The following BCAS3 variants were observed in gnomAD, a reference collection of about 807,000 sequenced individuals.
The protein encoded by BCAS3 is BCAS3 microtubule associated cell migration factor.
In BCAS3, 53 loss-of-function variants were observed where a neutral mutation model predicts 116.1. The ratio of observed to expected loss-of-function variants is 0.46; its 90% CI spans 0.37 to 0.57. BCAS3 has a LOEUF of 0.57. Among genes scored for constraint, BCAS3 ranks in the 20% least tolerant of loss-of-function variants. The probability of loss-of-function intolerance (pLI) is 0.00; values close to 1 mark genes in which losing one functional copy is unlikely to be tolerated. For synonymous variants in BCAS3, 391 were observed against 408.2 expected, an observed-to-expected ratio of 0.96 and a Z score of 0.51; for missense variants, 917 against 1,165.4, an observed-to-expected ratio of 0.79 and a Z score of 3.10.
rs1367196969 is a variant in BCAS3 at position 61,013,755 on chromosome 17, T to C, written c.1487-1996T>C. On this transcript the variant is annotated intron_variant, in intron 15 of 23. Transcript: ENST00000407086. The surrounding 1 kb of genome is among the most constrained non-coding windows in gnomAD (Gnocchi z 4.4). ...CCATATTTTACAAAAGAGACATTTATCAAAGGTTAACTTGATAGTTCTATA... is the reference window on the plus strand; with the variant it reads ...CCATATTTTACAAAAGAGACATTTACCAAAGGTTAACTTGATAGTTCTATA... 6.6e-6 allele frequency among the ~76,000 whole-genome samples: 1 copy of C among 152,172 alleles called. No homozygotes were observed. The highest frequency in any genetic ancestry group is 6.5e-5 in the Admixed American group (1 of 15,270).
chr17:60,970,646 T>G (rs1257770299), intron 14 of BCAS3, among the ~76,000 whole-genome samples: 1 of 152,212 alleles, frequency 6.6e-6, no homozygotes, highest in Non-Finnish European at 1.5e-5. Flanking sequence ...TGTATGCACG[T>G]AGACTCAGTT....
Position 61,363,824 on chromosome 17 carries a change from A to G in BCAS3, c.2426-4503A>G, listed in dbSNP as rs1299676394. ...GTAATGGGACTCAAAGGGCCAGCTC[A>G]TCTGATGGAGTGTCCCTGGGCTGGT... On this transcript the variant is annotated intron_variant, in intron 22 of 23. Transcript: ENST00000407086. The surrounding 1 kb of genome is among the most constrained non-coding windows in gnomAD (Gnocchi z 4.9). Among the ~76,000 whole-genome samples, 1 of 152,164 alleles carries G rather than the reference A, an allele frequency of 6.6e-6. No individual in the cohort carries two copies. Among genetic ancestry groups the G allele is most frequent in the African/African-American group, 2.4e-5 (1 of 41,452 alleles).
At position 61,256,940 on chromosome 17, in the gene BCAS3, T is replaced by C. The variant is rs1262152318; in HGVS notation, c.2426-111387T>C. ...CCTTGGAGGTGAACCTAGGTTCTCT[T>C]TGAGGTATTTTCTCTACCAAAATCA... On this transcript the variant is annotated intron_variant, in intron 22 of 23. Coordinates refer to ENST00000407086, the MANE Select transcript of BCAS3 (RefSeq NM_017679.5). The surrounding 1 kb of genome is among the most constrained non-coding windows in gnomAD (Gnocchi z 5.6). Among the ~76,000 whole-genome samples, 1 of 152,168 alleles carries C rather than the reference T, an allele frequency of 6.6e-6. No homozygotes were observed. Among genetic ancestry groups the C allele is most frequent in the Non-Finnish European group, 1.5e-5 (1 of 68,032 alleles).
At chr17:60,909,303 A>T (rs1387529247) in intron 11 of BCAS3, among the ~76,000 whole-genome samples, 2 of 152,164 alleles carry the variant, frequency 1.3e-5, no homozygotes, top group East Asian at 3.8e-4. Flanking sequence ...ACCTCTATAC[A>T]CAACTGTCTT....
intron 5 of BCAS3, among the ~76,000 whole-genome samples, chr17:60,721,552 T>C (rs984936263): frequency 6.6e-6 from 1 of 152,226 alleles, no homozygotes; most frequent in African/African-American, 2.4e-5. Flanking sequence ...ACATAGGCAG[T>C]AGACATTACT....
At position 61,339,859 on chromosome 17, in the gene BCAS3, G is replaced by A. The variant is rs1351737774; in HGVS notation, c.2426-28468G>A. ...GAAAGATGGGAGGAAAACCAGGTGA[G>A]TGTGCTGTCCCGAAAGCCAAGTAGA... is the stretch of plus-strand genomic sequence containing the variant. On this transcript the variant is annotated intron_variant, in intron 22 of 23. Coordinates refer to ENST00000407086, the MANE Select transcript of BCAS3 (RefSeq NM_017679.5). The surrounding 1 kb of genome is among the most constrained non-coding windows in gnomAD (Gnocchi z 4.4). Among the ~76,000 whole-genome samples, 1 of 151,960 alleles carries A rather than the reference G, an allele frequency of 6.6e-6. No individual in the cohort carries two copies. Among genetic ancestry groups the A allele is most frequent in the Non-Finnish European group, 1.5e-5 (1 of 68,002 alleles).
chr17:60,981,052 C>A (rs1490449592), intron 14 of BCAS3, among the ~76,000 whole-genome samples: 3 of 151,754 alleles, frequency 2.0e-5, no homozygotes, highest in Non-Finnish European at 2.9e-5. Context: ...CACAGGCTGG[C>A]CTTGAACTCC....
intron 11 of BCAS3, among the ~76,000 whole-genome samples, chr17:60,907,319 A>G (rs565888200): frequency 1.3e-5 from 2 of 152,244 alleles, no homozygotes; most frequent in East Asian, 1.9e-4. Context: ...TAGTTCCCTC[A>G]TTACCGTCTT....
At chr17:60,905,484 A>G (rs532230563) in intron 11 of BCAS3, among the ~76,000 whole-genome samples, 3 of 152,208 alleles carry the variant, frequency 2.0e-5, no homozygotes, top group Non-Finnish European at 4.4e-5. Context: ...CAAATTATCA[A>G]ACTTGTTTAA....
At chr17:61,064,176 G>T (rs1458508688) in intron 19 of BCAS3, among the ~76,000 whole-genome samples, 1 of 152,130 alleles carries the variant, frequency 6.6e-6, no homozygotes, top group African/African-American at 2.4e-5. Context: ...TACACCTGTA[G>T]TTCCAGCTCC....
chr17:61,071,326 C>T (rs1205789997), intron 19 of BCAS3, among the ~76,000 whole-genome samples: 1 of 152,116 alleles, frequency 6.6e-6, no homozygotes, highest in Admixed American at 6.6e-5. Flanking sequence ...CAAATGAAAA[C>T]CAGTTTTTCA....
intron 6 of BCAS3, among the ~76,000 whole-genome samples, chr17:60,769,061 G>A (rs2044390966): frequency 6.6e-6 from 1 of 152,170 alleles, no homozygotes; most frequent in Non-Finnish European, 1.5e-5. Context: ...AGGTTGTGTT[G>A]GCCCAACTGG....
intron 22 of BCAS3, among the ~76,000 whole-genome samples, chr17:61,190,109 C>T (rs2080012177): frequency 6.6e-6 from 1 of 152,138 alleles, no homozygotes; most frequent in African/African-American, 2.4e-5. Flanking sequence ...TATAGTGGTT[C>T]TCAATGATGA....
Position 61,307,231 on chromosome 17 carries a change from C to T in BCAS3, c.2426-61096C>T, listed in dbSNP as rs546280702. ...TCCAGCCCTGTGGCCCCAGAATACC[C>T]CACAGTTACACCTCAGCTGTGGGTT... On this transcript the variant is annotated intron_variant, in intron 22 of 23. Coordinates refer to ENST00000407086, the MANE Select transcript of BCAS3 (RefSeq NM_017679.5). The surrounding 1 kb of genome is among the most constrained non-coding windows in gnomAD (Gnocchi z 4.7). Among the ~76,000 whole-genome samples the T allele has an allele frequency of 1.7e-4, 26 of 152,334 alleles. No homozygotes were observed. Among genetic ancestry groups the T allele is most frequent in the African/African-American group, 6.3e-4 (26 of 41,582 alleles).
intron 13 of BCAS3, among the ~76,000 whole-genome samples, chr17:60,944,922 A>T (rs151160341): frequency 1.7e-3 from 260 of 152,278 alleles, no homozygotes; most frequent in Non-Finnish European, 2.5e-3. Flanking sequence ...CTCCTACAAC[A>T]CAGAAATCTC....
intron 22 of BCAS3, among the ~76,000 whole-genome samples, chr17:61,192,847 A>G (rs182706759): frequency 1.9e-4 from 29 of 152,370 alleles, no homozygotes; most frequent in Admixed American, 1.6e-3. Context: ...ATTTACTTAC[A>G]TGGAATGAAA....
rs1600994422 is a variant in BCAS3 at position 61,073,231 on chromosome 17, C to T, written c.2030-1689C>T. ...TGATCATTTGTGTTTTGTACAAATGCCACCATGCCGCTTGGCTGTAGAACT... is the reference window on the plus strand; with the variant it reads ...TGATCATTTGTGTTTTGTACAAATGTCACCATGCCGCTTGGCTGTAGAACT... On this transcript the variant is annotated intron_variant, in intron 19 of 23. Coordinates refer to ENST00000407086, the MANE Select transcript of BCAS3 (RefSeq NM_017679.5). This position sits in a 1 kb window ranked among gnomAD's most constrained non-coding sequence, Gnocchi z 4.6. 6.6e-6 allele frequency among the ~76,000 whole-genome samples: 1 copy of T among 152,168 alleles called. No individual in the cohort carries two copies. The highest frequency in any genetic ancestry group is 1.9e-4 in the East Asian group (1 of 5,200).
chr17:61,096,416 G>A (rs2073976615), intron 22 of BCAS3, among the ~76,000 whole-genome samples: 1 of 152,160 alleles, frequency 6.6e-6, no homozygotes, highest in African/African-American at 2.4e-5. Flanking sequence ...AATTAGCTGA[G>A]TATGGTGGTA....
chr17:61,333,501 C>T lies in BCAS3; in HGVS notation c.2426-34826C>T, dbSNP rs549406266. 6.6e-6 allele frequency among the ~76,000 whole-genome samples: 1 copy of T among 152,242 alleles called. No individual in the cohort carries two copies. The highest frequency in any genetic ancestry group is 1.5e-5 in the Non-Finnish European group (1 of 68,044). ...ACATTGTGGCGCCCCCGACCCTTGC[C>T]AATCCCGTGCAAACCACGCAATGTC... On this transcript the variant is annotated intron_variant, in intron 22 of 23. Transcript: ENST00000407086. The surrounding 1 kb of genome is among the most constrained non-coding windows in gnomAD (Gnocchi z 4.8).
Sources: gnomAD v4.1 joint callset for allele counts (sites outside exome capture counted in the v4.1 genomes callset) on GRCh38, gnomAD v4.1.1 for gene constraint, Gnocchi (gnomAD v3.1) non-coding constraint, MANE v1.5 for transcripts, NCBI Gene and HGNC (gene_info 2026-07-23, HGNC 2026-07-21) for gene names.